The following DPP6 variants were observed in gnomAD, a reference collection of about 807,000 sequenced individuals.
DPP6 encodes dipeptidyl peptidase like 6, also known as A-type potassium channel modulatory protein DPP6.
DPP6 carries 69 observed loss-of-function variants against 122.6 expected under a neutral mutation model. The observed-to-expected ratio is 0.56, with a 90% CI of 0.46 to 0.69. The LOEUF (loss-of-function observed/expected upper bound fraction) is 0.69, where lower values mean the gene tolerates loss of function less well. DPP6 is among the 30% of genes least tolerant of loss of function. The pLI is 0.00. For missense variants in DPP6, 928 were observed against 1,116.9 expected (o/e 0.83, Z 2.41); for synonymous variants, 418 against 433.1 (o/e 0.97, Z 0.43).
intron 17 of DPP6, among the ~76,000 whole-genome samples, chr7:154,862,423 G>T (rs757793384): frequency 2.0e-5 from 3 of 152,234 alleles, no homozygotes; most frequent in Non-Finnish European, 4.4e-5. Context: ...CTGGTGGGTG[G>T]AGTGTCTGCA....
At chr7:154,627,139 A>G (rs113414736) in intron 5 of DPP6, among the ~76,000 whole-genome samples, 2,856 of 146,470 alleles carry the variant, frequency 0.019, 89 homozygotes, top group African/African-American at 0.068. Context: ...CAGCCTCCCA[A>G]ATAGCTGGAA....
intron 4 of DPP6, among the ~76,000 whole-genome samples, chr7:154,566,129 A>G (rs1398375671): frequency 6.6e-6 from 1 of 152,260 alleles, no homozygotes; most frequent in Non-Finnish European, 1.5e-5. Flanking sequence ...GTTGCAAAAT[A>G]ATGTGTGCAA....
chr7:154,454,797 A>G lies in DPP6; in HGVS notation c.358+8469A>G, dbSNP rs75182812. Among the ~76,000 whole-genome samples the G allele has an allele frequency of 7.7e-3, 1,174 of 152,352 alleles. 8 individuals carry two copies. The highest frequency in any genetic ancestry group is 0.011 in the Admixed American group (165 of 15,302). ...AGGAAAGAAAGGGCATTGTGTGCAC[A>G]TAAACATTTGGATATGTTGTATTAA... On this transcript the variant is annotated intron_variant, in intron 2 of 25. Transcript: ENST00000377770.
chr7:153,928,395 C>CGTTTTTTTTTTTTTTTTT (rs1467865041), intron 1 of DPP6, among the ~76,000 whole-genome samples: 1 of 29,996 alleles, frequency 3.3e-5, no homozygotes, highest in Non-Finnish European at 6.5e-5. Flanking sequence ...TCTTTTCTTT[C>CGTTTTTTTTTTTTTTTTT]ATTTTTTTTT....
intron 1 of DPP6, among the ~76,000 whole-genome samples, chr7:154,330,638 T>C (rs1808844273): frequency 6.6e-6 from 1 of 152,192 alleles, no homozygotes; most frequent in Non-Finnish European, 1.5e-5. Context: ...CAAACATACA[T>C]TCTCAGCAGT....
chr7:153,776,296 C>A, the DPP6 span, among the ~76,000 whole-genome samples: 2 of 152,086 alleles, frequency 1.3e-5, no homozygotes, highest in Admixed American at 1.3e-4. Flanking sequence ...GGAGGGACCT[C>A]GTGGGAGGTA....
At chr7:154,515,855 C>T (rs572340109) in intron 3 of DPP6, among the ~76,000 whole-genome samples, 84 of 152,234 alleles carry the variant, frequency 5.5e-4, no homozygotes, top group Middle Eastern at 3.4e-3. Flanking sequence ...CCACAGTGCA[C>T]GGAGGCCCAG....
intron 3 of DPP6, among the ~76,000 whole-genome samples, chr7:154,500,589 C>T (rs1235867323): frequency 6.6e-6 from 1 of 152,136 alleles, no homozygotes; most frequent in Non-Finnish European, 1.5e-5. Flanking sequence ...GGGGAGTTTC[C>T]TTGCACCAGT....
intron 10 of DPP6, among the ~76,000 whole-genome samples, chr7:154,782,218 G>A (rs890875433): frequency 6.6e-6 from 1 of 152,164 alleles, no homozygotes; most frequent in Non-Finnish European, 1.5e-5. Flanking sequence ...GGCAGATATA[G>A]TGCTTTAGAA....
At chr7:153,794,534 C>T in the DPP6 span, among the ~76,000 whole-genome samples, 11 of 151,980 alleles carry the variant, frequency 7.2e-5, no homozygotes, top group Non-Finnish European at 1.2e-4. Flanking sequence ...GGCTTACAGG[C>T]GGTAGGGACT....
At position 154,100,887 on chromosome 7, in the gene DPP6, T is replaced by G. The variant is rs532337276; in HGVS notation, c.243+47824T>G. ...GATCAACAAAAAGCCTGCTGGGCCT[T>G]TAAGACAGGCCTCAAACCACCTCTG... On this transcript the variant is annotated intron_variant, in intron 1 of 25. Coordinates refer to ENST00000377770, the MANE Select transcript of DPP6 (RefSeq NM_130797.4). Among the ~76,000 whole-genome samples the G allele has an allele frequency of 5.6e-5, 8 of 143,638 alleles. 1 individual carries two copies. Among genetic ancestry groups the G allele is most frequent in the Admixed American group, 2.8e-4 (4 of 14,306 alleles). 94.2% of individuals were successfully genotyped at this position (143,638 alleles called of 152,430 possible).
At chr7:154,139,746 C>T (rs1448631751) in intron 1 of DPP6, among the ~76,000 whole-genome samples, 7 of 152,194 alleles carry the variant, frequency 4.6e-5, no homozygotes, top group African/African-American at 1.4e-4. Flanking sequence ...GTACCATCCA[C>T]CTTCCAGCTA....
At chr7:154,347,046 GTA>G (rs375461992) in intron 1 of DPP6, among the ~76,000 whole-genome samples, 3 of 152,182 alleles carry the variant, frequency 2.0e-5, no homozygotes, top group African/African-American at 7.2e-5. Context: ...GTGCATGCAC[GTA>G]CACACACACA....
chr7:154,264,052 AAAT>A, intron 1 of DPP6, among the ~76,000 whole-genome samples: 1 of 152,234 alleles, frequency 6.6e-6, no homozygotes, highest in Admixed American at 6.5e-5. Flanking sequence ...ACTATAAAGA[AAAT>A]AACTTACATG....
intron 5 of DPP6, among the ~76,000 whole-genome samples, chr7:154,580,245 G>T (rs1289489882): frequency 7.3e-6 from 1 of 137,726 alleles, no homozygotes; most frequent in Admixed American, 7.6e-5. Context: ...ACACACACAT[G>T]CACACACACA....
intron 1 of DPP6, among the ~76,000 whole-genome samples, chr7:154,265,686 G>A (rs981748644): frequency 6.6e-6 from 1 of 152,124 alleles, no homozygotes; most frequent in African/African-American, 2.4e-5. Context: ...TTTGGTCAAA[G>A]AATTTTCTTG....
intron 21 of DPP6, 118 bp downstream of exon 21, chr7:154,881,060 T>C: frequency 1.4e-6 from 2 of 1,404,432 alleles, no homozygotes; most frequent in Non-Finnish European, 1.9e-6. Context: ...GCAAGTAATT[T>C]TTTAAAATCA....
At chr7:153,819,077 CT>C in the DPP6 span, among the ~76,000 whole-genome samples, 172 of 99,824 alleles carry the variant, frequency 1.7e-3, no homozygotes, top group African/African-American at 5.0e-3. Flanking sequence ...CTTTTCTTTT[CT>C]TTTTTTTTTT....
intron 1 of DPP6, among the ~76,000 whole-genome samples, chr7:153,978,499 G>C (rs904805304): frequency 6.6e-6 from 1 of 152,030 alleles, no homozygotes; most frequent in Admixed American, 6.6e-5. Context: ...TGTTCACTCT[G>C]ATGGTAGTTG....
Sources: gnomAD v4.1 joint callset for allele counts (sites outside exome capture counted in the v4.1 genomes callset) on GRCh38, gnomAD v4.1.1 for gene constraint, MANE v1.5 for transcripts, NCBI Gene and HGNC (gene_info 2026-07-23, HGNC 2026-07-21) for gene names.